The following GALNT13 variants were observed in gnomAD, a reference collection of about 807,000 sequenced individuals.
GALNT13 encodes UDP-GalNAc:polypeptide N-acetylgalactosaminyltransferase 13.
A neutral mutation model predicts 64.2 loss-of-function variants in GALNT13; 28 were observed. That is an observed-to-expected ratio of 0.44 (90% CI 0.32 to 0.60). The LOEUF (loss-of-function observed/expected upper bound fraction) is 0.60, where lower values mean the gene tolerates loss of function less well. Ranked by LOEUF, GALNT13 falls within the 20% of genes least tolerant of loss-of-function variation. The pLI is 0.05. For synonymous variants in GALNT13, 214 were observed against 224.6 expected, an observed-to-expected ratio of 0.95 and a Z score of 0.42; for missense variants, 577 against 669.8, an observed-to-expected ratio of 0.86 and a Z score of 1.53.
chr2:154,160,484 G>C (rs1684668341), intron 4 of GALNT13, among the ~76,000 whole-genome samples: 1 of 152,092 alleles, frequency 6.6e-6, no homozygotes, highest in East Asian at 1.9e-4. Flanking sequence ...AATTTGCAAA[G>C]GTACTTCTTC....
At chr2:153,747,448 T>TTTA in the GALNT13 span, among the ~76,000 whole-genome samples, 39 of 136,642 alleles carry the variant, frequency 2.9e-4, no homozygotes, top group African/African-American at 1.1e-3. Flanking sequence ...TTTTTTTTTT[T>TTTA]AGATAGATTC....
At chr2:153,486,833 C>T in the GALNT13 span, among the ~76,000 whole-genome samples, 3 of 152,162 alleles carry the variant, frequency 2.0e-5, no homozygotes, top group Non-Finnish European at 4.4e-5. Context: ...TTAAAGTCTG[C>T]ATGATTTAGA....
the GALNT13 span, among the ~76,000 whole-genome samples, chr2:153,176,229 C>A: frequency 6.6e-6 from 1 of 152,146 alleles, no homozygotes; most frequent in Non-Finnish European, 1.5e-5. Context: ...TACCCAGCCC[C>A]AACACAGCTA....
intron 4 of GALNT13, among the ~76,000 whole-genome samples, chr2:154,202,315 G>A (rs1687214439): frequency 6.6e-6 from 1 of 152,186 alleles, no homozygotes; most frequent in South Asian, 2.1e-4. Flanking sequence ...ATTACATATA[G>A]TAAGTACTGT....
intron 3 of GALNT13, among the ~76,000 whole-genome samples, chr2:153,962,021 ATATAT>A (rs1692982209): frequency 1.1e-4 from 17 of 152,198 alleles, no homozygotes; most frequent in African/African-American, 4.1e-4. Flanking sequence ...GCCAGTTTAT[ATATAT>A]GATTAAGAAA....
At chr2:153,383,583 T>C in the GALNT13 span, among the ~76,000 whole-genome samples, 1 of 151,994 alleles carries the variant, frequency 6.6e-6, no homozygotes, top group East Asian at 1.9e-4. Flanking sequence ...AAAAATAGGG[T>C]ATATTTTCAG....
intron 9 of GALNT13, among the ~76,000 whole-genome samples, chr2:154,330,272 T>C (rs1192553595): frequency 6.6e-6 from 1 of 152,102 alleles, no homozygotes; most frequent in East Asian, 1.9e-4. Flanking sequence ...GGCTAAAGCC[T>C]CTATTCCTGA....
chr2:153,228,072 T>C, the GALNT13 span, among the ~76,000 whole-genome samples: 3 of 152,264 alleles, frequency 2.0e-5, no homozygotes, highest in East Asian at 5.8e-4. Context: ...CAAGTTAGAA[T>C]ACTGAGCTTT....
intron 4 of GALNT13, among the ~76,000 whole-genome samples, chr2:154,216,802 CTTTTTTTTTTT>C (rs397872685): frequency 5.6e-5 from 4 of 71,296 alleles, no homozygotes; most frequent in Non-Finnish European, 1.0e-4. Flanking sequence ...TTCTCTCTCT[CTTTTTTTTTTT>C]TTTTTTTTTT....
intron 3 of GALNT13, among the ~76,000 whole-genome samples, chr2:154,043,436 A>AC (rs1699106588): frequency 8.5e-6 from 1 of 118,224 alleles, no homozygotes; most frequent in Non-Finnish European, 1.7e-5. Flanking sequence ...ATATATATAT[A>AC]TATATATATA....
At chr2:154,001,715 A>G (rs1205109443) in intron 3 of GALNT13, among the ~76,000 whole-genome samples, 4 of 152,032 alleles carry the variant, frequency 2.6e-5, no homozygotes, top group African/African-American at 9.7e-5. Context: ...CCACAATTAC[A>G]GTATTGGTGT....
chr2:153,808,040 A>T, the GALNT13 span, among the ~76,000 whole-genome samples: 1 of 152,272 alleles, frequency 6.6e-6, no homozygotes, highest in Admixed American at 6.5e-5. Context: ...TTTAATGTGC[A>T]CTTAGGAGCA....
At chr2:153,298,983 C>T in the GALNT13 span, among the ~76,000 whole-genome samples, 1 of 152,172 alleles carries the variant, frequency 6.6e-6, no homozygotes, top group African/African-American at 2.4e-5. Context: ...GTCCATTTTA[C>T]TCTCAACCCT....
chr2:153,913,613 A>C (rs1186786206), intron 2 of GALNT13, among the ~76,000 whole-genome samples: 1 of 152,156 alleles, frequency 6.6e-6, no homozygotes, highest in Non-Finnish European at 1.5e-5. Flanking sequence ...TGAAGGGTCC[A>C]TGGTGGTAGA....
chr2:153,263,833 C>G, the GALNT13 span, among the ~76,000 whole-genome samples: 1 of 152,252 alleles, frequency 6.6e-6, no homozygotes, highest in South Asian at 2.1e-4. Context: ...AAAGCAAAAA[C>G]TATAAAAATC....
At chr2:154,193,922 G>A (rs1170421136) in intron 4 of GALNT13, among the ~76,000 whole-genome samples, 1 of 152,186 alleles carries the variant, frequency 6.6e-6, no homozygotes, top group East Asian at 1.9e-4. Context: ...AGGGCAAGAT[G>A]TGTTAATTCC....
intron 2 of GALNT13, among the ~76,000 whole-genome samples, chr2:153,944,060 A>C (rs1179138610): frequency 1.3e-5 from 2 of 152,206 alleles, no homozygotes; most frequent in African/African-American, 4.8e-5. Flanking sequence ...GAAGTACTGA[A>C]TTAGAGTAAA....
At chr2:153,648,906 G>A in the GALNT13 span, among the ~76,000 whole-genome samples, 2 of 152,056 alleles carry the variant, frequency 1.3e-5, no homozygotes, top group African/African-American at 2.4e-5. Context: ...ATGTTCATAG[G>A]GATATTGGTC....
At chr2:153,744,373 A>G in the GALNT13 span, among the ~76,000 whole-genome samples, 1 of 152,010 alleles carries the variant, frequency 6.6e-6, no homozygotes, top group Non-Finnish European at 1.5e-5. Flanking sequence ...AACCATTTTA[A>G]ATGGGGTGAG....
Sources: gnomAD v4.1 joint callset for allele counts (sites outside exome capture counted in the v4.1 genomes callset) on GRCh38, gnomAD v4.1.1 for gene constraint, MANE v1.5 for transcripts, NCBI Gene and HGNC (gene_info 2026-07-23, HGNC 2026-07-21) for gene names.